The following DIP2C variants were observed in gnomAD, a reference collection of about 807,000 sequenced individuals.
DIP2C encodes DIP2 acetate--CoA ligase C (putative), also known as disco-interacting protein 2 homolog C.
In DIP2C, 33 loss-of-function variants were observed where a neutral mutation model predicts 192.4. That is an observed-to-expected ratio of 0.17 (90% CI 0.13 to 0.23). DIP2C has a LOEUF of 0.23. Among genes scored for constraint, DIP2C ranks in the 10% least tolerant of loss-of-function variants. DIP2C has a pLI of 1.00. For missense variants in DIP2C, 1,537 were observed against 2,110.1 expected (o/e 0.73, Z 5.32); for synonymous variants, 979 against 864.1 (o/e 1.13, Z -2.33).
intron 1 of DIP2C, among the ~76,000 whole-genome samples, chr10:566,029 G>A (rs894692566): frequency 6.6e-6 from 1 of 152,216 alleles, no homozygotes; most frequent in East Asian, 1.9e-4. Context: ...CTGACAGAGA[G>A]GGGCGGATTC....
chr10:511,782 G>A (rs554326878), intron 1 of DIP2C, among the ~76,000 whole-genome samples: 28 of 152,258 alleles, frequency 1.8e-4, no homozygotes, highest in African/African-American at 6.5e-4. Context: ...ACCCACAACC[G>A]CTTAAAAATC....
chr10:361,286 TAAGG>T lies in DIP2C; in HGVS notation c.2794+1200_2794+1203del, dbSNP rs565414380. Among the ~76,000 whole-genome samples, 556 of 152,284 alleles carry T rather than the reference TAAGG, an allele frequency of 3.7e-3. 3 individuals carry two copies. Among genetic ancestry groups the T allele is most frequent in the Middle Eastern group, 6.8e-3 (2 of 294 alleles). On this transcript the variant is annotated intron_variant, in intron 22 of 36. Transcript: ENST00000280886. The stretch of plus-strand genomic sequence containing the variant: ...GGCCACTATTCCCCAGCTAAACTCC[TAAGG>T]AAGAGGGCTTTCTGCAGGAGGTCAC...
At chr10:571,936 G>A (rs1006090670) in intron 1 of DIP2C, among the ~76,000 whole-genome samples, 13 of 152,188 alleles carry the variant, frequency 8.5e-5, no homozygotes, top group Non-Finnish European at 8.8e-5. Context: ...GAATTATTTT[G>A]TATCCATGGT....
At chr10:616,865 T>C (rs1372968102) in intron 1 of DIP2C, among the ~76,000 whole-genome samples, 1 of 152,114 alleles carries the variant, frequency 6.6e-6, no homozygotes, top group Non-Finnish European at 1.5e-5. Context: ...CTCTACTCAT[T>C]TGCAGGCTCT....
At chr10:629,998 G>A (rs974696233) in intron 1 of DIP2C, 7 of 152,174 alleles carry the variant, frequency 4.6e-5, no homozygotes, top group Admixed American at 1.3e-4. Context: ...AGTGTCCCCC[G>A]GGGGCCACAC....
chr10:605,957 A>G (rs1852429026), intron 1 of DIP2C, among the ~76,000 whole-genome samples: 1 of 152,164 alleles, frequency 6.6e-6, no homozygotes, highest in Non-Finnish European at 1.5e-5. Context: ...GCCCATCTGA[A>G]AGGTCCCACT....
intron 3 of DIP2C, among the ~76,000 whole-genome samples, chr10:455,159 A>C (rs1205083261): frequency 6.6e-6 from 1 of 152,188 alleles, no homozygotes; most frequent in Non-Finnish European, 1.5e-5. Flanking sequence ...GCCAGGCCGC[A>C]CCGGTTCAAA....
chr10:344,658 G>C (rs1010986964), intron 28 of DIP2C, 151 bp downstream of exon 28: 3 of 664,346 alleles, frequency 4.5e-6, no homozygotes, highest in Non-Finnish European at 7.8e-6. Context: ...ATGGTCATAC[G>C]TGTCATACCG....
At chr10:362,112 A>G (rs1589609412) in intron 22 of DIP2C, among the ~76,000 whole-genome samples, 1 of 152,088 alleles carries the variant, frequency 6.6e-6, no homozygotes, top group Non-Finnish European at 1.5e-5. Flanking sequence ...AATCTGCAAC[A>G]TAAGAAAAAA....
intron 1 of DIP2C, among the ~76,000 whole-genome samples, chr10:540,594 A>G (rs1050574801): frequency 3.3e-5 from 5 of 152,222 alleles, no homozygotes; most frequent in Non-Finnish European, 7.3e-5. Flanking sequence ...TTGGTAGACC[A>G]AGTTTCAAGC....
At chr10:604,750 GA>G (rs1210443831) in intron 1 of DIP2C, among the ~76,000 whole-genome samples, 1 of 152,144 alleles carries the variant, frequency 6.6e-6, no homozygotes, top group Non-Finnish European at 1.5e-5. Flanking sequence ...GTATATTAAA[GA>G]AAAAAGACAA....
chr10:674,822 A>AGAGAGAGAGAGAGACCAAC (rs1830814795), intron 1 of DIP2C, among the ~76,000 whole-genome samples: 1 of 147,408 alleles, frequency 6.8e-6, no homozygotes, highest in African/African-American at 2.5e-5. Context: ...AGAGAGAGAG[A>AGAGAGAGAGAGAGACCAAC]GAGAGAGACC....
Position 480,545 on chromosome 10 carries a change from G to A in DIP2C, c.157+5914C>T, listed in dbSNP as rs1843528396. ...GATGCCAATCTCACCATCAGGACCG[G>A]GCCTTCACGTTTCTGCACTTTGCTT... On this transcript the variant is annotated intron_variant, in intron 2 of 36. Transcript: ENST00000280886. Among the ~76,000 whole-genome samples, 2 of 152,206 alleles carry A rather than the reference G, an allele frequency of 1.3e-5. 1 individual carries two copies. The highest frequency in any genetic ancestry group is 4.1e-4 in the South Asian group (2 of 4,828).
chr10:584,626 A>G (rs1411350298), intron 1 of DIP2C, among the ~76,000 whole-genome samples: 2 of 60,840 alleles, frequency 3.3e-5, no homozygotes, highest in Non-Finnish European at 6.1e-5. Context: ...CCGCGACCTG[A>G]CCCCCACTCA....
chr10:346,283 G>A lies in DIP2C; in HGVS notation c.3232-1173C>T, dbSNP rs1266424339. ...CACACACACCCAACCCAGACACATC[G>A]CGCATAGTTCTCCCGGAAACGTCAC... On this transcript the variant is annotated intron_variant, in intron 26 of 36. Transcript: ENST00000280886. Among the ~76,000 whole-genome samples, 25 of 58,838 alleles carry A rather than the reference G, an allele frequency of 4.2e-4. 2 individuals are homozygous for A. The highest frequency in any genetic ancestry group is 1.4e-3 in the African/African-American group (16 of 11,304). The allele number at this position is 58,838 out of a possible 152,430, so 38.6% of individuals were successfully genotyped here.
intron 2 of DIP2C, among the ~76,000 whole-genome samples, chr10:477,758 AGAG>A (rs905068329): frequency 2.6e-4 from 26 of 100,990 alleles, no homozygotes; most frequent in African/African-American, 6.8e-4. Flanking sequence ...AGAAAAGGAG[AGAG>A]AAGAAAAAGG....
intron 1 of DIP2C, among the ~76,000 whole-genome samples, chr10:581,880 C>A (rs1251335580): frequency 6.6e-6 from 1 of 152,162 alleles, no homozygotes; most frequent in Admixed American, 6.5e-5. Flanking sequence ...GGCCAGCTGT[C>A]CCCAGCCTTT....
chr10:685,167 TATATATATATATATATATAC>T lies in DIP2C; in HGVS notation c.85+4307_85+4326del, dbSNP rs1274051102. Among the ~76,000 whole-genome samples, 177 of 19,060 alleles carry T rather than the reference TATATATATATATATATATAC, an allele frequency of 9.3e-3. 1 individual carries two copies. The highest frequency in any genetic ancestry group is 0.071 in the Middle Eastern group (1 of 14). The allele number at this position is 19,060 out of a possible 152,430, so 12.5% of individuals were successfully genotyped here. ...AAAAAAAAAAAAAAAAAAAAATATATATATATATATATATATATACATATATATATATATATATATAAACA... is the reference window on the plus strand; with the variant it reads ...AAAAAAAAAAAAAAAAAAAAATATATATATATATATATATATATATAAACA... On this transcript the variant is annotated intron_variant, in intron 1 of 36. Coordinates refer to ENST00000280886, the MANE Select transcript of DIP2C (RefSeq NM_014974.3).
At chr10:423,475 T>TC (rs1246187812) in intron 4 of DIP2C, among the ~76,000 whole-genome samples, 2 of 152,246 alleles carry the variant, frequency 1.3e-5, no homozygotes, top group African/African-American at 4.8e-5. Context: ...CTCTGATTTT[T>TC]CTACTACATC....
Sources: allele counts gnomAD v4.1 joint callset (sites outside exome capture counted in the v4.1 genomes callset), GRCh38; gene constraint gnomAD v4.1.1; transcripts MANE v1.5; gene names NCBI Gene and HGNC (gene_info 2026-07-23, HGNC 2026-07-21).